Variants in RRN3 observed in about 807,000 individuals in gnomAD.
RRN3 encodes the protein RNA polymerase I-specific transcription initiation factor RRN3.
RRN3 carries 38 observed loss-of-function variants against 82.3 expected under a neutral mutation model. The observed-to-expected ratio is 0.46, with a 90% CI of 0.36 to 0.61. The LOEUF (loss-of-function observed/expected upper bound fraction) is 0.61, where lower values mean the gene tolerates loss of function less well. Among genes scored for constraint, RRN3 ranks in the 20% least tolerant of loss-of-function variants. RRN3 has a pLI of 0.00. For synonymous variants in RRN3, 284 were observed against 284.3 expected (o/e 1.00, Z 0.01); for missense variants, 726 against 793.1 (o/e 0.92, Z 1.02).
At chr16:15,072,824 GACTAGC>G (rs2045293944) in intron 12 of RRN3, 120 bp downstream of exon 12, 1 of 933,672 alleles carries the variant, frequency 1.1e-6, no homozygotes, top group African/African-American at 1.7e-5. Context: ...TTATTAAGCA[GACTAGC>G]AAGTAAGCTC....
intron 1 of RRN3, among the ~76,000 whole-genome samples, chr16:15,093,151 C>A (rs778494728): frequency 6.6e-6 from 1 of 152,048 alleles, no homozygotes; most frequent in Non-Finnish European, 1.5e-5. Context: ...ATTACAGGCA[C>A]CTGCCACCAT....
chr16:15,078,180 G>C (rs997288806), intron 9 of RRN3, among the ~76,000 whole-genome samples: 4 of 152,224 alleles, frequency 2.6e-5, no homozygotes, highest in African/African-American at 9.6e-5. Flanking sequence ...CAGTTGGCCA[G>C]AGAGGTGCAA....
chr16:15,075,309 C>T (rs1002461832), intron 10 of RRN3, among the ~76,000 whole-genome samples: 20 of 150,660 alleles, frequency 1.3e-4, no homozygotes, highest in African/African-American at 4.1e-4. Context: ...CAGTGGCTCA[C>T]GCCTATAATT....
At chr16:15,091,279 A>G (rs780748449) in intron 3 of RRN3, 36 bp downstream of exon 3, 7 of 1,604,320 alleles carry the variant, frequency 4.4e-6, no homozygotes, top group Non-Finnish European at 6.0e-6. Context: ...TACAGTGGCA[A>G]TAATTTTGCT....
intron 10 of RRN3, 21 bp from the exon 11 acceptor site, chr16:15,074,882 T>C: frequency 1.9e-6 from 3 of 1,591,180 alleles, no homozygotes; most frequent in East Asian, 2.2e-5. Context: ...AAAAAGTAAA[T>C]ACTAACATTA....
At chr16:15,069,821 T>C (rs571247715) in intron 14 of RRN3, among the ~76,000 whole-genome samples, 10 of 152,336 alleles carry the variant, frequency 6.6e-5, no homozygotes, top group African/African-American at 2.2e-4. Context: ...TTTCAAACTT[T>C]CAAAGGCAGA....
At chr16:15,065,122 C>T in intron 16 of RRN3, 97 bp downstream of exon 16, 1 of 1,268,134 alleles carries the variant, frequency 7.9e-7, no homozygotes, top group South Asian at 1.5e-5. Context: ...GCCGAGATCA[C>T]ACCACCGCAC....
chr16:15,090,957 T>C (rs1598013627), intron 3 of RRN3, among the ~76,000 whole-genome samples: 1 of 149,344 alleles, frequency 6.7e-6, no homozygotes, highest in African/African-American at 2.5e-5. Flanking sequence ...AGTAATCTAA[T>C]AGAAAGGAAG....
Position 15,071,296 on chromosome 16 carries a change from G to A in RRN3, c.1129-45C>T, listed in dbSNP as rs535992234. The A allele has an allele frequency of 4.6e-6, 7 of 1,536,146 alleles. No homozygotes were observed. The South Asian group carries it at 5.0e-5, about 11-fold the overall frequency. On this transcript the variant is annotated intron_variant, in intron 12 of 17. Transcript: ENST00000198767. ...CGGTGTGATCTTTTTTAATGCCTAAGATAATCTGGCTATCAAAATCCCAAG... is the reference window on the plus strand; with the variant it reads ...CGGTGTGATCTTTTTTAATGCCTAAAATAATCTGGCTATCAAAATCCCAAG...
chr16:15,064,464 T>C (rs983146503), intron 16 of RRN3, among the ~76,000 whole-genome samples: 5 of 152,138 alleles, frequency 3.3e-5, no homozygotes, highest in African/African-American at 4.8e-5. Context: ...CATGAGCCAT[T>C]ACGCCCAGCC....
chr16:15,077,417 A>C, intron 9 of RRN3, among the ~76,000 whole-genome samples: 1 of 151,894 alleles, frequency 6.6e-6, no homozygotes, highest in Non-Finnish European at 1.5e-5. Context: ...AAGAGATCTG[A>C]TGGTTTTATC....
intron 1 of RRN3, among the ~76,000 whole-genome samples, 182 bp from the exon 2 acceptor site, chr16:15,092,796 C>A (rs1462688062): frequency 1.3e-5 from 2 of 152,208 alleles, no homozygotes; most frequent in South Asian, 2.1e-4. Context: ...TGTCTTCCCA[C>A]TGCACTTACA....
chr16:15,080,961 ATGT>A (rs1323532034), intron 8 of RRN3, among the ~76,000 whole-genome samples: 1 of 152,154 alleles, frequency 6.6e-6, no homozygotes, highest in Admixed American at 6.5e-5. Context: ...GGGTTCAATC[ATGT>A]TGTAACATGT....
At chr16:15,084,239 G>C (rs1037843192) in intron 7 of RRN3, among the ~76,000 whole-genome samples, 13 of 151,920 alleles carry the variant, frequency 8.6e-5, no homozygotes, top group African/African-American at 2.9e-4. Flanking sequence ...AATAATCAAC[G>C]GACAGAGGGA....
chr16:15,083,424 T>A, intron 8 of RRN3, 89 bp downstream of exon 8: 1 of 1,558,686 alleles, frequency 6.4e-7, no homozygotes, highest in Non-Finnish European at 8.7e-7. Context: ...AAAGAAAGAC[T>A]GGAAAAGAAA....
At chr16:15,077,591 G>C (rs35512524) in intron 9 of RRN3, among the ~76,000 whole-genome samples, 16,899 of 152,118 alleles carry the variant, frequency 0.11, 1,202 homozygotes, top group Non-Finnish European at 0.16. Context: ...CCTGTAATCC[G>C]AGCTCTTTGG....
At chr16:15,073,293 T>C (rs534281098) in intron 11 of RRN3, among the ~76,000 whole-genome samples, 1 of 152,232 alleles carries the variant, frequency 6.6e-6, no homozygotes, top group East Asian at 1.9e-4. Flanking sequence ...GCTCTGTCTC[T>C]ACAAAAAATC....
intron 15 of RRN3, among the ~76,000 whole-genome samples, chr16:15,066,513 G>A (rs1441271050): frequency 1.3e-5 from 2 of 151,802 alleles, no homozygotes; most frequent in Admixed American, 1.3e-4. Context: ...GGCGCCTGTA[G>A]TCCCAGCTAT....
chr16:15,073,639 C>T (rs534561783), intron 11 of RRN3, among the ~76,000 whole-genome samples: 16 of 152,270 alleles, frequency 1.1e-4, no homozygotes, highest in Non-Finnish European at 2.2e-4. Context: ...TTCTATCATT[C>T]GTGTAGCAAA....
Sources: gnomAD v4.1 joint callset for allele counts (sites outside exome capture counted in the v4.1 genomes callset) on GRCh38, gnomAD v4.1.1 for gene constraint, MANE v1.5 for transcripts, NCBI Gene and HGNC (gene_info 2026-07-23, HGNC 2026-07-21) for gene names.